Variants in MSH3 observed in about 807,000 individuals in gnomAD.
MSH3 encodes mutS homolog 3.
Under a neutral mutation model 123.3 loss-of-function variants are expected in MSH3, and 106 were observed. That is an observed-to-expected ratio of 0.86 (90% CI 0.73 to 1.01). The LOEUF (loss-of-function observed/expected upper bound fraction) is 1.01, where lower values mean the gene tolerates loss of function less well. Among genes scored for constraint, MSH3 ranks in the 50% least tolerant of loss-of-function variants. MSH3 has a pLI of 0.00. For missense variants in MSH3, 1,459 were observed against 1,347.6 expected, an observed-to-expected ratio of 1.08 and a Z score of -1.29; for synonymous variants, 515 against 481.4, an observed-to-expected ratio of 1.07 and a Z score of -0.91.
chr5:80,656,453 G>A lies in MSH3; in HGVS notation c.280G>A (p.Asp94Asn), dbSNP rs1749287670. The change falls in exon 2 of 24, where the codon GAT becomes AAT. Residue 94 changes from aspartate (D) to asparagine (N), a missense_variant. Physicochemically the swap from Asp to Asn is conservative, Grantham distance 23 (BLOSUM62 1). Transcript: ENST00000265081. ...AAGAAAGAAGAGACCATTGGAAAAT[G>A]ATGGGCCTGTTAAAAAGAAAGTAAA... ...DRRKKRPLENDGPVKKKVKKV... is the reference protein window; with the variant it reads ...DRRKKRPLENNGPVKKKVKKV... 7 of 1,614,174 alleles carry A rather than the reference G, an allele frequency of 4.3e-6. No individual in the cohort carries two copies. In the Middle Eastern group the frequency reaches 1.2e-3, roughly 266 times the overall value.
rs371547241 is a variant in MSH3, at chr5:80,787,671, A to G, written c.2542A>G (p.Arg848Gly). 2.4e-5 allele frequency: 39 copies of G among 1,605,610 alleles called. No individual in the cohort carries two copies. The highest frequency in any genetic ancestry group is 3.3e-5 in the Non-Finnish European group (39 of 1,172,506). ...AKVAKQGDYC[R>G]PTVQEERKIV... ...GGTCGCTAAGCAAGGAGATTACTGC[A>G]GGTAAGATATTTTTCATTTTCCTCT... Residue 848 changes from arginine (R) to glycine (G), a missense_variant and splice_region_variant, in exon 18 of 24, where the codon AGA becomes GGA. By Grantham distance (125) the Arg-to-Gly change is moderately radical. Coordinates refer to ENST00000265081, the MANE Select transcript of MSH3 (RefSeq NM_002439.5).
chr5:80,733,596 A>AATATAT lies in MSH3; in HGVS notation c.1568+4643_1568+4648dup, dbSNP rs113921589. Among the ~76,000 whole-genome samples, 121 of 150,382 alleles carry AATATAT rather than the reference A, an allele frequency of 8.0e-4. 1 individual carries two copies. Among genetic ancestry groups the AATATAT allele is most frequent in the Admixed American group, 1.9e-3 (28 of 15,088 alleles). On this transcript the variant is annotated intron_variant, in intron 10 of 23. Coordinates refer to ENST00000265081, the MANE Select transcript of MSH3 (RefSeq NM_002439.5). ...TATCCAGTAAGGGACTTGTATCTAG[A>AATATAT]ATATATATATATATATAAACTCTTA...
At chr5:80,730,626 A>G (rs1466284097) in intron 10 of MSH3, among the ~76,000 whole-genome samples, 2 of 152,092 alleles carry the variant, frequency 1.3e-5, no homozygotes, top group East Asian at 3.8e-4. Context: ...ATCAATCTGT[A>G]TGGTTGGTTG....
rs777901350 is a variant in MSH3, at chr5:80,670,246, C to T, written c.729C>T (p.His243=). 1 of 1,613,912 alleles carries T rather than the reference C, an allele frequency of 6.2e-7. No homozygotes were observed. The highest frequency in any genetic ancestry group is 1.7e-5 in the Admixed American group (1 of 60,004). Residue 243 remains histidine, a synonymous_variant, in exon 4 of 24, where the codon CAC becomes CAT. Transcript: ENST00000265081. ...AATACATAGAAATGAAGCAGCAGCACAAAGATGCAGTTTTGTGTGTGGAAT... is the reference window on the plus strand; with the variant it reads ...AATACATAGAAATGAAGCAGCAGCATAAAGATGCAGTTTTGTGTGTGGAAT... The part of the protein sequence containing the change: ...ELQYIEMKQQ[H]KDAVLCVECG...
At chr5:80,729,048 A>T in intron 10 of MSH3, 83 bp downstream of exon 10, 1 of 825,098 alleles carries the variant, frequency 1.2e-6, no homozygotes, top group East Asian at 2.4e-5. Flanking sequence ...TACTATACTT[A>T]GAGAAGCTTG....
chr5:80,683,683 C>A (rs1750020224), intron 8 of MSH3, among the ~76,000 whole-genome samples: 1 of 152,122 alleles, frequency 6.6e-6, no homozygotes. Context: ...GTTTCTGTTG[C>A]TGTGCAGAAG....
At chr5:80,667,282 A>G (rs1344046823) in intron 3 of MSH3, among the ~76,000 whole-genome samples, 1 of 152,230 alleles carries the variant, frequency 6.6e-6, no homozygotes, top group Admixed American at 6.5e-5. Flanking sequence ...CATAGTATAT[A>G]CCTGCATTTA....
intron 2 of MSH3, among the ~76,000 whole-genome samples, chr5:80,662,193 A>G (rs1014415953): frequency 4.6e-5 from 7 of 152,242 alleles, no homozygotes; most frequent in Admixed American, 1.3e-4. Flanking sequence ...TATTCAGTAC[A>G]GTAACATGCT....
chr5:80,845,326 C>A (rs1056486180), intron 20 of MSH3, among the ~76,000 whole-genome samples: 14 of 152,120 alleles, frequency 9.2e-5, no homozygotes, highest in African/African-American at 3.4e-4. Context: ...CTCTGACTGC[C>A]CTTAACATTT....
At chr5:80,869,377 C>G (rs148872126) in intron 22 of MSH3, among the ~76,000 whole-genome samples, 2 of 152,266 alleles carry the variant, frequency 1.3e-5, no homozygotes, top group East Asian at 3.9e-4. Flanking sequence ...ACATCCTCAT[C>G]AAGAACTTTT....
chr5:80,708,615 T>A (rs1341882219), intron 8 of MSH3, among the ~76,000 whole-genome samples: 1 of 151,840 alleles, frequency 6.6e-6, no homozygotes, highest in Non-Finnish European at 1.5e-5. Flanking sequence ...GGAGATGGAG[T>A]CTCACTTATG....
chr5:80,767,521 G>C (rs963564260), intron 13 of MSH3, among the ~76,000 whole-genome samples: 1 of 152,024 alleles, frequency 6.6e-6, no homozygotes, highest in Non-Finnish European at 1.5e-5. Flanking sequence ...TATTCAGTTT[G>C]TTTAGCCATT....
chr5:80,733,204 G>T (rs1384438438), intron 10 of MSH3, among the ~76,000 whole-genome samples: 2 of 152,152 alleles, frequency 1.3e-5, no homozygotes, highest in African/African-American at 4.8e-5. Context: ...ATTACTGACA[G>T]GGGTGTTAAG....
intron 3 of MSH3, among the ~76,000 whole-genome samples, chr5:80,666,507 A>T (rs933913441): frequency 6.6e-6 from 1 of 152,202 alleles, no homozygotes; most frequent in Non-Finnish European, 1.5e-5. Context: ...CTCTTTTAAT[A>T]CTTAGAAGCA....
At chr5:80,854,367 A>C in intron 21 of MSH3, 51 bp downstream of exon 21, 1 of 1,510,530 alleles carries the variant, frequency 6.6e-7, no homozygotes, top group Non-Finnish European at 9.1e-7. Context: ...GTAAATTATT[A>C]TTTTTAAATG....
chr5:80,777,979 C>G (rs1271051798), intron 16 of MSH3, among the ~76,000 whole-genome samples: 1 of 152,166 alleles, frequency 6.6e-6, no homozygotes, highest in East Asian at 1.9e-4. Flanking sequence ...ATCCCCGTTT[C>G]ATAGATGAGA....
In MSH3 at chr5:80,678,916, T is replaced by C. The variant is rs780502611; in HGVS notation, c.1174-11T>C. On this transcript the variant is annotated splice_polypyrimidine_tract_variant and intron_variant, in intron 7 of 23. Transcript: ENST00000265081. ...TTTTTTCTGTAACATTATATTTGTA[T>C]TTGTTTTTAGGGAGTGCAGCCTGCC... The C allele has an allele frequency of 2.5e-6, 4 of 1,614,046 alleles. No individual in the cohort carries two copies. The highest frequency in any genetic ancestry group is 3.4e-6 in the Non-Finnish European group (4 of 1,179,928).
At chr5:80,738,879 T>A (rs1322915428) in intron 10 of MSH3, among the ~76,000 whole-genome samples, 1 of 152,152 alleles carries the variant, frequency 6.6e-6, no homozygotes, top group Non-Finnish European at 1.5e-5. Context: ...TTAATGCCCT[T>A]ATATTAATAG....
chr5:80,843,610 A>G (rs1425459465), intron 20 of MSH3, among the ~76,000 whole-genome samples: 2 of 152,104 alleles, frequency 1.3e-5, no homozygotes, highest in Non-Finnish European at 2.9e-5. Context: ...CAGAGTTTCA[A>G]CTTCTTCCTG....
Sources: allele counts gnomAD v4.1 joint callset (sites outside exome capture counted in the v4.1 genomes callset), GRCh38; gene constraint gnomAD v4.1.1; transcripts MANE v1.5; gene names NCBI Gene and HGNC (gene_info 2026-07-23, HGNC 2026-07-21).